PI4K2A: variants seen among roughly 807,000 people sequenced by gnomAD.
The protein encoded by PI4K2A is phosphatidylinositol 4-kinase type 2-alpha.
A neutral mutation model predicts 55.0 loss-of-function variants in PI4K2A; 20 were observed. The observed-to-expected ratio is 0.36, with a 90% confidence interval of 0.26 to 0.53. PI4K2A has a LOEUF of 0.53. PI4K2A is among the 20% of genes least tolerant of loss of function. PI4K2A has a pLI of 0.91. For synonymous variants in PI4K2A, 235 were observed against 258.5 expected (o/e 0.91, Z 0.87); for missense variants, 463 against 637.1 (o/e 0.73, Z 2.94).
chr10:97,664,882 C>G lies in PI4K2A; in HGVS notation c.985-3C>G. On this transcript the variant is annotated splice_polypyrimidine_tract_variant and splice_region_variant and intron_variant, in intron 5 of 8. Coordinates refer to ENST00000370631, the Ensembl canonical transcript of PI4K2A. ...CAGTCATTAGTCTTTCCTTGCTCTT[C>G]AGGACACAGACTGGGTGGTGGTGAA... 6.2e-7 allele frequency: 1 copy of G among 1,610,320 alleles called. No individual in the cohort carries two copies. Among genetic ancestry groups the G allele is most frequent in the Non-Finnish European group, 8.5e-7 (1 of 1,176,592 alleles).
Position 97,641,184 on chromosome 10 carries a change from G to T in PI4K2A, c.435+7G>T. On this transcript the variant is annotated splice_region_variant and intron_variant, in intron 1 of 8. Coordinates refer to ENST00000370631, the Ensembl canonical transcript of PI4K2A. Reference sequence around the variant, plus strand: ...CGTCAAGGACCCTCAGGGGGTGAGTGCGGGGGTGGGGACCGCCGCCGCGGG... The same window carrying T: ...CGTCAAGGACCCTCAGGGGGTGAGTTCGGGGGTGGGGACCGCCGCCGCGGG... 1 of 1,594,948 alleles carries T rather than the reference G, an allele frequency of 6.3e-7. No individual in the cohort carries two copies.
chr10:97,657,995 A>G (rs1488584532), intron 4 of PI4K2A, among the ~76,000 whole-genome samples: 1 of 151,980 alleles, frequency 6.6e-6, no homozygotes, highest in Admixed American at 6.6e-5. Context: ...GCCATCATGC[A>G]TGGCTAATTT....
At chr10:97,652,866 A>G (rs552320897) in intron 2 of PI4K2A, among the ~76,000 whole-genome samples, 1 of 152,340 alleles carries the variant, frequency 6.6e-6, no homozygotes, top group East Asian at 1.9e-4. Flanking sequence ...GTACCAGCTG[A>G]GTCAGTAAAT....
chr10:97,651,193 G>A (rs1303803922), intron 2 of PI4K2A, 52 bp downstream of exon 2: 1 of 1,417,980 alleles, frequency 7.1e-7, no homozygotes, highest in Non-Finnish European at 9.9e-7. Flanking sequence ...GTTTTCCTGG[G>A]GCCTAAGCCC....
At chr10:97,668,984 G>A (rs2135762191) in intron 8 of PI4K2A, among the ~76,000 whole-genome samples, 1 of 152,200 alleles carries the variant, frequency 6.6e-6, no homozygotes, top group South Asian at 2.1e-4. Flanking sequence ...TCCTGCCTCA[G>A]CCTCCCAAGT....
intron 4 of PI4K2A, among the ~76,000 whole-genome samples, chr10:97,661,704 CT>C (rs887114517): frequency 6.6e-6 from 1 of 150,998 alleles, no homozygotes; most frequent in Non-Finnish European, 1.5e-5. Context: ...AGTTTCACAT[CT>C]TTTTTTTTCC....
intron 4 of PI4K2A, among the ~76,000 whole-genome samples, chr10:97,661,910 T>G (rs2041586252): frequency 6.7e-6 from 1 of 150,018 alleles, no homozygotes. Context: ...TAGAGTACAG[T>G]GGTATGATCA....
Position 97,656,532 on chromosome 10 carries a change from GATC to G in PI4K2A, c.768+117_768+119del. 1.0e-6 allele frequency: 1 copy of G among 993,044 alleles called. No homozygotes were observed. 61.5% of individuals were successfully genotyped at this position (993,044 alleles called of 1,614,324 possible). A position where few individuals can be genotyped will look rare whatever the true frequency, so the allele number is the denominator to read the frequency against. On this transcript the variant is annotated intron_variant, in intron 3 of 8. Transcript: ENST00000370631. This position sits in a 1 kb window ranked among gnomAD's most constrained non-coding sequence, Gnocchi z 4.5. The stretch of plus-strand genomic sequence containing the variant: ...GGGCACGTGAATAACCTGCCCTGAG[GATC>G]CTGTCTTCCTTATTTCTGTCAAGTG...
chr10:97,653,201 C>G (rs796380079), intron 2 of PI4K2A, among the ~76,000 whole-genome samples: 1 of 152,192 alleles, frequency 6.6e-6, no homozygotes, highest in Non-Finnish European at 1.5e-5. Context: ...AATAGCAGAC[C>G]GTGTCTGGCT....
At chr10:97,671,264 A>G (rs530141680) in intron 8 of PI4K2A, among the ~76,000 whole-genome samples, 2 of 152,212 alleles carry the variant, frequency 1.3e-5, no homozygotes, top group African/African-American at 2.4e-5. Context: ...TCATGGACAC[A>G]TAACTGAAAT....
chr10:97,658,915 A>AT (rs926397473), intron 4 of PI4K2A, among the ~76,000 whole-genome samples: 2 of 151,668 alleles, frequency 1.3e-5, no homozygotes, highest in African/African-American at 4.8e-5. Context: ...CTATTTTTGA[A>AT]TTTTTTTTGG....
intron 8 of PI4K2A, among the ~76,000 whole-genome samples, chr10:97,667,368 C>T (rs965067360): frequency 6.6e-6 from 1 of 152,116 alleles, no homozygotes; most frequent in African/African-American, 2.4e-5. Context: ...TGTCACAACG[C>T]CCGGCTAATT....
At position 97,655,935 on chromosome 10, in the gene PI4K2A, C is replaced by T. The variant is rs368500296; in HGVS notation, c.637-350C>T. On this transcript the variant is annotated intron_variant, in intron 2 of 8. Coordinates refer to ENST00000370631, the Ensembl canonical transcript of PI4K2A. ...CCAGATAGGCAGCTCTCCTAGATAC[C>T]ACATCACTCATGTAGTTACAAGGTA... Among the ~76,000 whole-genome samples, 236 of 152,230 alleles carry T rather than the reference C, an allele frequency of 1.6e-3. 1 individual carries two copies. Among genetic ancestry groups the T allele is most frequent in the African/African-American group, 5.5e-3 (227 of 41,538 alleles).
exon 8 of PI4K2A, chr10:97,667,080 G>A: frequency 6.2e-7 from 1 of 1,613,710 alleles, no homozygotes; most frequent in Non-Finnish European, 8.5e-7. Flanking sequence ...GGTTTCGACA[G>A]GGGCCAGTTC....
At chr10:97,646,869 G>T (rs2041507575) in intron 1 of PI4K2A, among the ~76,000 whole-genome samples, 1 of 152,018 alleles carries the variant, frequency 6.6e-6, no homozygotes, top group Non-Finnish European at 1.5e-5. Context: ...CCACCTCCTG[G>T]GTTCAAGCGA....
rs190220194 is a variant in PI4K2A, at chr10:97,662,815, G to A, written c.923-92G>A. The A allele has an allele frequency of 8.0e-5, 64 of 803,748 alleles. No homozygotes were observed. In the Admixed American group the frequency reaches 8.1e-4, roughly 10 times the overall value. 49.8% of individuals were successfully genotyped at this position (803,748 alleles called of 1,614,324 possible). A position where few individuals can be genotyped will look rare whatever the true frequency, so the allele number is the denominator to read the frequency against. On this transcript the variant is annotated intron_variant, in intron 4 of 8. Transcript: ENST00000370631. ...ATTTGTAGTCATTCTCAGTAGAAGC[G>A]TTAGTCCGAGTGTCCAGAATACCTA...
At chr10:97,641,423 C>CG (rs1161361053) in intron 1 of PI4K2A, among the ~76,000 whole-genome samples, 1 of 152,066 alleles carries the variant, frequency 6.6e-6, no homozygotes, top group Non-Finnish European at 1.5e-5. Context: ...AGATACGGGC[C>CG]GGGGGCTCAG....
At chr10:97,646,715 C>G (rs2041506707) in intron 1 of PI4K2A, among the ~76,000 whole-genome samples, 1 of 152,132 alleles carries the variant, frequency 6.6e-6, no homozygotes, top group Admixed American at 6.5e-5. Flanking sequence ...TGACACCCTC[C>G]TCCTTGTCAT....
intron 2 of PI4K2A, among the ~76,000 whole-genome samples, chr10:97,653,067 T>C (rs1467922454): frequency 6.6e-6 from 1 of 152,228 alleles, no homozygotes; most frequent in Non-Finnish European, 1.5e-5. Context: ...TTGAACATCT[T>C]GTATGATAAT....
Sources: allele counts gnomAD v4.1 joint callset (sites outside exome capture counted in the v4.1 genomes callset), GRCh38; gene constraint gnomAD v4.1.1; non-coding constraint Gnocchi (gnomAD v3.1); transcripts MANE v1.5; gene names NCBI Gene and HGNC (gene_info 2026-07-23, HGNC 2026-07-21).